Variants in BPIFA2 observed in about 807,000 individuals in gnomAD.
BPIFA2 encodes BPI fold-containing family A member 2.
In BPIFA2, 20 loss-of-function variants were observed where a neutral mutation model predicts 25.7. That is an observed-to-expected ratio of 0.78 (90% CI 0.55 to 1.13). The LOEUF is 1.13. Ranked by LOEUF, BPIFA2 falls within the 50% of genes most tolerant of loss-of-function variation. The pLI is 0.00. For synonymous variants in BPIFA2, 126 were observed against 124.3 expected (o/e 1.01, Z -0.09); for missense variants, 300 against 298.1 (o/e 1.01, Z -0.05).
rs1984141800 is a variant in BPIFA2 at position 33,178,042 on chromosome 20, G to T, written c.564-105G>T. On this transcript the variant is annotated intron_variant, in intron 5 of 8. Coordinates refer to ENST00000354932, the MANE Select transcript of BPIFA2 (RefSeq NM_080574.4). ...GTTAAAGTGTCTCCATGTCCCTGGG[G>T]TTTATCTGACTCCACAGTATTTCCC... The T allele has an allele frequency of 1.1e-5, 8 of 732,826 alleles. 1 individual carries two copies. In the East Asian group the frequency reaches 1.7e-4, roughly 16 times the overall value. 45.4% of individuals were successfully genotyped at this position (732,826 alleles called of 1,614,324 possible).
rs553679309 is a variant in BPIFA2, at chr20:33,162,507, C to T, written c.-16+609C>T. 4.6e-5 allele frequency among the ~76,000 whole-genome samples: 7 copies of T among 152,350 alleles called. No individual in the cohort carries two copies. The East Asian group carries it at 1.2e-3, about 25-fold the overall frequency. On this transcript the variant is annotated intron_variant, in intron 1 of 8. Coordinates refer to the BPIFA2 transcript ENST00000253362. ...ATGAGGCTCTGCCCTCTTTCCCACC[C>T]TTAATCCTGCCGCTGGGCACAGCAC...
intron 2 of BPIFA2, among the ~76,000 whole-genome samples, chr20:33,171,622 C>T (rs1983900504): frequency 6.6e-6 from 1 of 152,070 alleles, no homozygotes; most frequent in African/African-American, 2.4e-5. Flanking sequence ...ATGTGGCCAA[C>T]AAACATATGA....
chr20:33,178,207 A>T lies in BPIFA2; in HGVS notation c.624A>T (p.Val208=). Residue 208 remains valine (V), a synonymous_variant, in exon 6 of 9, where the codon GTA becomes GTT. Transcript: ENST00000354932. ...NSVINTLKST[V]SSLLQKEICP... is the part of the protein sequence containing the mutation. Reference sequence around the variant, plus strand: ...TGATCAACACGCTGAAAAGCACTGTATCCTCCCTGCTGCAGAAGGAGGTGA... The same window carrying T: ...TGATCAACACGCTGAAAAGCACTGTTTCCTCCCTGCTGCAGAAGGAGGTGA... 9 of 1,601,588 alleles carry T rather than the reference A, an allele frequency of 5.6e-6. No homozygotes were observed. The highest frequency in any genetic ancestry group is 7.7e-6 in the Non-Finnish European group (9 of 1,170,526).
chr20:33,171,409 CT>C (rs1487049547), intron 2 of BPIFA2, among the ~76,000 whole-genome samples: 1 of 152,104 alleles, frequency 6.6e-6, no homozygotes, highest in African/African-American at 2.4e-5. Flanking sequence ...AACTGAAAAG[CT>C]TCTGCACAGC....
chr20:33,175,359 A>T, intron 4 of BPIFA2, 48 bp from the exon 5 acceptor site: 1 of 1,571,124 alleles, frequency 6.4e-7, no homozygotes, highest in Non-Finnish European at 8.7e-7. Flanking sequence ...ACTGGGCAAC[A>T]GGCAGGAACT....
At position 33,178,203 on chromosome 20, in the gene BPIFA2, C is replaced by A; in HGVS notation, c.620C>A (p.Thr207Asn). 6.2e-7 allele frequency: 1 copy of A among 1,602,986 alleles called. No homozygotes were observed. Among genetic ancestry groups the A allele is most frequent in the Non-Finnish European group, 8.5e-7 (1 of 1,171,708 alleles). Residue 207 changes from threonine (T) to asparagine (N), a missense_variant, in exon 6 of 9, where the codon ACT becomes AAT. By Grantham distance (65) the Thr-to-Asn change is moderately conservative. Transcript: ENST00000354932. ...AGCGTGATCAACACGCTGAAAAGCA[C>A]TGTATCCTCCCTGCTGCAGAAGGAG... is the stretch of plus-strand genomic sequence containing the variant. ...VNSVINTLKS[T>N]VSSLLQKEIC... is the part of the protein sequence containing the mutation.
intron 1 of BPIFA2, among the ~76,000 whole-genome samples, chr20:33,162,228 G>A (rs141930675): frequency 5.3e-5 from 8 of 152,184 alleles, no homozygotes; most frequent in Non-Finnish European, 1.0e-4. Flanking sequence ...TGATCCACCC[G>A]CCTTGGCCTC....
At chr20:33,173,164 T>C in intron 3 of BPIFA2, 88 bp downstream of exon 3, 2 of 1,471,278 alleles carry the variant, frequency 1.4e-6, no homozygotes, top group Non-Finnish European at 1.9e-6. Flanking sequence ...GAAAGACAGA[T>C]GGACAAGCCT....
At position 33,174,292 on chromosome 20, in the gene BPIFA2, G is replaced by C. The variant is rs1984003588; in HGVS notation, c.410+106G>C. On this transcript the variant is annotated intron_variant, in intron 4 of 8. Transcript: ENST00000354932. ...TCCTCCCGCTGCTGGGTGAACTTGGGCCTCAGTTTCCCAATCTGTGAGTGA... is the reference window on the plus strand; with the variant it reads ...TCCTCCCGCTGCTGGGTGAACTTGGCCCTCAGTTTCCCAATCTGTGAGTGA... 3.0e-6 allele frequency: 3 copies of C among 985,020 alleles called. No homozygotes were observed. The East Asian group carries it at 7.5e-5, about 25-fold the overall frequency. The allele number at this position is 985,020 out of a possible 1,614,324, so 61.0% of individuals were successfully genotyped here.
chr20:33,177,670 C>G (rs1361022616), intron 5 of BPIFA2, among the ~76,000 whole-genome samples: 1 of 152,186 alleles, frequency 6.6e-6, no homozygotes, highest in Admixed American at 6.5e-5. Context: ...TAGCAAAGCT[C>G]TCTCTTAGGT....
chr20:33,169,090 T>C, intron 1 of BPIFA2, 41 bp from the exon 2 acceptor site: 1 of 1,532,772 alleles, frequency 6.5e-7, no homozygotes, highest in East Asian at 2.3e-5. Context: ...TCCATTTCCC[T>C]CTGGGCAATT....
upstream of BPIFA2, among the ~76,000 whole-genome samples, chr20:33,165,618 G>A (rs1600594573): frequency 6.6e-6 from 1 of 152,214 alleles, no homozygotes; most frequent in African/African-American, 2.4e-5. Context: ...CCAGCTTGGA[G>A]GTTAAGGCTG....
chr20:33,176,395 GGC>G (rs1249361360), intron 5 of BPIFA2, among the ~76,000 whole-genome samples: 30 of 152,262 alleles, frequency 2.0e-4, no homozygotes, highest in African/African-American at 6.5e-4. Flanking sequence ...ACTTGGCCTT[GGC>G]CAGGAGCAAG....
At chr20:33,175,076 T>C (rs78386855) in intron 4 of BPIFA2, among the ~76,000 whole-genome samples, 2,324 of 152,256 alleles carry the variant, frequency 0.015, 49 homozygotes, top group African/African-American at 0.053. Flanking sequence ...ATTCAGAAAA[T>C]AGGGATAGTA....
At chr20:33,175,002 C>T (rs1255735300) in intron 4 of BPIFA2, among the ~76,000 whole-genome samples, 1 of 152,160 alleles carries the variant, frequency 6.6e-6, no homozygotes. Flanking sequence ...CTAATGATGC[C>T]ACCCATTATT....
intron 2 of BPIFA2, among the ~76,000 whole-genome samples, chr20:33,170,850 T>C (rs541669428): frequency 2.0e-5 from 3 of 152,258 alleles, no homozygotes; most frequent in Admixed American, 2.0e-4. Flanking sequence ...ATTGCCCAGG[T>C]TTTTTATGGT....
intron 2 of BPIFA2, among the ~76,000 whole-genome samples, chr20:33,170,895 G>C (rs1983876877): frequency 6.6e-6 from 1 of 152,168 alleles, no homozygotes; most frequent in African/African-American, 2.4e-5. Flanking sequence ...AAACCATCTT[G>C]AGTTAAGTTT....
In BPIFA2 at chr20:33,175,474, A is replaced by G; in HGVS notation, c.478A>G (p.Thr160Ala). ...CCTCCTGACCGCAGTCACAATTGAA[A>G]CTGATCCCCAGACACACCAGCCTGT... ...LDLLTAVTIE[T>A]DPQTHQPVAV... The change falls in exon 5 of 9, where the codon ACT (threonine) becomes GCT (alanine). Residue 160 changes from threonine (T) to alanine (A), a missense_variant. By Grantham distance (58) the Thr-to-Ala change is moderately conservative. Coordinates refer to ENST00000354932, the MANE Select transcript of BPIFA2 (RefSeq NM_080574.4). The G allele has an allele frequency of 6.2e-7, 1 of 1,614,020 alleles. No homozygotes were observed. The highest frequency in any genetic ancestry group is 1.1e-5 in the South Asian group (1 of 91,060).
chr20:33,171,541 GAAA>G (rs1263362868), intron 2 of BPIFA2, among the ~76,000 whole-genome samples: 2 of 151,860 alleles, frequency 1.3e-5, no homozygotes, highest in Non-Finnish European at 2.9e-5. Context: ...AAATTTACAA[GAAA>G]AAAACAAACA....
Sources: allele counts gnomAD v4.1 joint callset (sites outside exome capture counted in the v4.1 genomes callset), GRCh38; gene constraint gnomAD v4.1.1; transcripts MANE v1.5; gene names NCBI Gene and HGNC (gene_info 2026-07-23, HGNC 2026-07-21).